DLG2: variants seen among roughly 807,000 people sequenced by gnomAD.
DLG2 encodes the protein disks large homolog 2.
In DLG2, 45 loss-of-function variants were observed where a neutral mutation model predicts 132.5. The observed-to-expected ratio is 0.34, with a 90% CI of 0.27 to 0.44. The LOEUF is 0.44. DLG2 is among the 20% of genes least tolerant of loss of function. DLG2 has a pLI of 1.00. For synonymous variants in DLG2, 424 were observed against 419.6 expected (o/e 1.01, Z -0.13); for missense variants, 1,045 against 1,196.9 (o/e 0.87, Z 1.87).
At chr11:84,941,261 G>T (rs1270869093) in intron 6 of DLG2, among the ~76,000 whole-genome samples, 1 of 152,134 alleles carries the variant, frequency 6.6e-6, no homozygotes, top group Non-Finnish European at 1.5e-5. Context: ...CTATTTCTGT[G>T]AGAATGTCAT....
chr11:84,910,671 G>C (rs921997928), intron 6 of DLG2, among the ~76,000 whole-genome samples: 3 of 152,146 alleles, frequency 2.0e-5, no homozygotes, highest in African/African-American at 7.2e-5. Context: ...CCAGCTGTCA[G>C]GGAGGCAGAG....
At chr11:83,474,774 A>T (rs1453986408) in intron 22 of DLG2, among the ~76,000 whole-genome samples, 1 of 151,990 alleles carries the variant, frequency 6.6e-6, no homozygotes, top group Non-Finnish European at 1.5e-5. Flanking sequence ...ATGGTCATTT[A>T]ACTTTGGAAA....
chr11:84,386,739 G>A (rs958580571), intron 7 of DLG2, among the ~76,000 whole-genome samples: 2 of 152,056 alleles, frequency 1.3e-5, no homozygotes, highest in African/African-American at 4.8e-5. Flanking sequence ...ATGAGAGAAT[G>A]TTTCTCACAT....
rs34996514 is a variant in DLG2 at position 83,866,071 on chromosome 11, T to TC, written c.1565+8348dup. Among the ~76,000 whole-genome samples the TC allele has an allele frequency of 1.6e-3, 242 of 151,780 alleles. 1 individual carries two copies. Among genetic ancestry groups the TC allele is most frequent in the Non-Finnish European group, 3.0e-3 (205 of 67,928 alleles). On this transcript the variant is annotated intron_variant, in intron 16 of 27. Coordinates refer to ENST00000376104, the MANE Select transcript of DLG2 (RefSeq NM_001142699.3). ...ATTATAGGTACTCAGAGCATCACAG[T>TC]CCCCCCTTTTTTTTTCACAGAGCTT...
intron 7 of DLG2, among the ~76,000 whole-genome samples, chr11:84,516,568 T>TAC (rs1236709467): frequency 2.6e-5 from 4 of 151,490 alleles, no homozygotes; most frequent in African/African-American, 9.7e-5. Flanking sequence ...TGAATCAGTA[T>TAC]AAAGTCTTCC....
At chr11:84,874,403 A>AT (rs752111505) in intron 6 of DLG2, among the ~76,000 whole-genome samples, 1 of 152,198 alleles carries the variant, frequency 6.6e-6, no homozygotes, top group Non-Finnish European at 1.5e-5. Flanking sequence ...CAAGGAACTG[A>AT]AAGAAGAGCA....
intron 6 of DLG2, among the ~76,000 whole-genome samples, chr11:84,983,060 A>T (rs1206919161): frequency 6.6e-6 from 1 of 152,210 alleles, no homozygotes; most frequent in Non-Finnish European, 1.5e-5. Context: ...ATAATGCCAG[A>T]AGTCTTATCC....
rs866830020 is a variant in DLG2 at position 83,656,141 on chromosome 11, T to C, written c.1826-22816A>G. Among the ~76,000 whole-genome samples, 4 of 152,366 alleles carry C rather than the reference T, an allele frequency of 2.6e-5. No individual in the cohort carries two copies. The South Asian group carries it at 6.2e-4, about 24-fold the overall frequency. On this transcript the variant is annotated intron_variant, in intron 18 of 27. Coordinates refer to ENST00000376104, the MANE Select transcript of DLG2 (RefSeq NM_001142699.3). The stretch of plus-strand genomic sequence containing the variant: ...AACTCAGAAATGTTAACAGATGGCA[T>C]GCAGAACACAACCCTGAACAGTCAG...
chr11:85,555,423 A>T (rs1341323906), intron 3 of DLG2, among the ~76,000 whole-genome samples: 1 of 151,856 alleles, frequency 6.6e-6, no homozygotes, highest in African/African-American at 2.4e-5. Flanking sequence ...TGACCTTCAC[A>T]TTGTTGAGGT....
intron 7 of DLG2, among the ~76,000 whole-genome samples, chr11:84,281,261 G>T (rs1260405373): frequency 3.3e-5 from 5 of 151,802 alleles, no homozygotes; most frequent in Non-Finnish European, 7.4e-5. Context: ...AATACAAAAA[G>T]CAAAATCCAT....
chr11:84,668,520 C>T (rs936240820), intron 6 of DLG2, among the ~76,000 whole-genome samples: 9 of 152,192 alleles, frequency 5.9e-5, no homozygotes, highest in East Asian at 3.9e-4. Context: ...TAAATTGAAA[C>T]GGTTTAAGTA....
intron 6 of DLG2, among the ~76,000 whole-genome samples, chr11:84,593,172 T>C (rs574593570): frequency 7.9e-4 from 117 of 148,336 alleles, no homozygotes; most frequent in Middle Eastern, 3.6e-3. Context: ...TGTGGAGAAA[T>C]AGGGACACTT....
At chr11:83,682,307 C>G (rs1326096272) in intron 18 of DLG2, 1 of 985,380 alleles carries the variant, frequency 1.0e-6, no homozygotes, top group African/African-American at 1.7e-5. Flanking sequence ...CTAGCGGAAC[C>G]TGATGAATTA....
chr11:85,058,150 C>G (rs2063657114), intron 6 of DLG2, among the ~76,000 whole-genome samples: 1 of 151,230 alleles, frequency 6.6e-6, no homozygotes, highest in Non-Finnish European at 1.5e-5. Context: ...CATAGTAAAT[C>G]CAAAAGAATC....
chr11:84,715,760 A>G (rs2061150709), intron 6 of DLG2, among the ~76,000 whole-genome samples: 2 of 152,134 alleles, frequency 1.3e-5, no homozygotes, highest in African/African-American at 4.8e-5. Flanking sequence ...ATGTATCTCT[A>G]TAAAATAGAT....
rs1052047327 is a variant in DLG2, at chr11:84,059,360, T to C, written c.874A>G (p.Ile292Val). 14 of 1,613,656 alleles carry C rather than the reference T, an allele frequency of 8.7e-6. No homozygotes were observed. Among genetic ancestry groups the C allele is most frequent in the Admixed American group, 1.7e-5 (1 of 59,960 alleles). The part of the protein sequence containing the change: ...VRLYVRRRRP[I>V]LETVVEIKLF... ...TTGATTTCCACAACGGTCTCCAAAA[T>C]AGGTCGTCTTCTACGCACATACAGC... Residue 292 changes from isoleucine (I) to valine (V), a missense_variant, in exon 11 of 28, where the codon ATT (isoleucine) becomes GTT (valine). This residue lies in a region of DLG2 where 109 missense variants were observed against 159.1 expected (regional missense o/e 0.69). Transcript: ENST00000376104.
intron 3 of DLG2, among the ~76,000 whole-genome samples, chr11:85,449,464 T>C (rs1475247656): frequency 2.0e-5 from 3 of 152,082 alleles, no homozygotes; most frequent in Admixed American, 1.3e-4. Context: ...ATAATTTTCA[T>C]TTTTAGGAGG....
intron 6 of DLG2, among the ~76,000 whole-genome samples, chr11:84,832,449 A>G (rs1297756021): frequency 6.6e-6 from 1 of 151,658 alleles, no homozygotes; most frequent in Non-Finnish European, 1.5e-5. Context: ...TTGACTTCCA[A>G]AAGGTTAGTA....
At chr11:84,112,197 GC>G (rs1395629644) in intron 9 of DLG2, among the ~76,000 whole-genome samples, 2 of 151,066 alleles carry the variant, frequency 1.3e-5, no homozygotes, top group Non-Finnish European at 2.9e-5. Context: ...ACGGGGTTTC[GC>G]CGTGTTAGCC....
Sources: gnomAD v4.1 joint callset for allele counts (sites outside exome capture counted in the v4.1 genomes callset) on GRCh38, gnomAD v4.1.1 for gene constraint, gnomAD v4.1.1 regional missense constraint, MANE v1.5 for transcripts, NCBI Gene and HGNC (gene_info 2026-07-23, HGNC 2026-07-21) for gene names.